The following NFIB variants were observed in gnomAD, a reference collection of about 807,000 sequenced individuals.
NFIB encodes nuclear factor 1 B-type.
In NFIB, 11 loss-of-function variants were observed where a neutral mutation model predicts 61.5. That is an observed-to-expected ratio of 0.18 (90% confidence interval 0.11 to 0.30). NFIB has a LOEUF of 0.30. Among genes scored for constraint, NFIB ranks in the 10% least tolerant of loss-of-function variants. The pLI is 1.00. For synonymous variants in NFIB, 260 were observed against 216.5 expected (o/e 1.20, Z -1.76); for missense variants, 471 against 608.9 (o/e 0.77, Z 2.38).
chr9:14,475,357 C>A, the NFIB span, among the ~76,000 whole-genome samples: 1 of 152,172 alleles, frequency 6.6e-6, no homozygotes, highest in East Asian at 1.9e-4. Flanking sequence ...AACCTTTCGA[C>A]CATTAGTGTG....
chr9:14,491,646 C>T, the NFIB span, among the ~76,000 whole-genome samples: 1 of 152,174 alleles, frequency 6.6e-6, no homozygotes, highest in Admixed American at 6.5e-5. Flanking sequence ...GTAAGATGAT[C>T]TAGAAGTTTC....
chr9:14,239,955 CA>C (rs1417193261), intron 2 of NFIB, among the ~76,000 whole-genome samples: 11 of 151,898 alleles, frequency 7.2e-5, no homozygotes, highest in African/African-American at 2.7e-4. Flanking sequence ...GAAATAAAAT[CA>C]TAAAAAGGAA....
chr9:14,134,226 G>A (rs934641375), intron 6 of NFIB, among the ~76,000 whole-genome samples: 3 of 152,172 alleles, frequency 2.0e-5, no homozygotes, highest in African/African-American at 7.2e-5. Context: ...TAACAATGGA[G>A]TTAAGCCACT....
chr9:14,214,031 G>A (rs766131386), intron 2 of NFIB, among the ~76,000 whole-genome samples: 79 of 152,180 alleles, frequency 5.2e-4, no homozygotes, highest in African/African-American at 1.4e-3. Flanking sequence ...ATCAGGTCTC[G>A]TTTCCAATAT....
intron 2 of NFIB, among the ~76,000 whole-genome samples, chr9:14,282,450 T>G (rs886812559): frequency 1.3e-5 from 2 of 152,164 alleles, no homozygotes; most frequent in African/African-American, 4.8e-5. Flanking sequence ...GATGTGAAAA[T>G]TAAAATAATG....
chr9:14,091,328 T>C (rs2033871708), intron 10 of NFIB, among the ~76,000 whole-genome samples: 1 of 151,924 alleles, frequency 6.6e-6, no homozygotes, highest in East Asian at 1.9e-4. Flanking sequence ...ATTAAAGTAA[T>C]ACAGATTATT....
intron 1 of NFIB, among the ~76,000 whole-genome samples, chr9:14,376,424 G>C (rs4741369): frequency 0.96 from 146,152 of 152,306 alleles, 70,169 homozygotes; most frequent in East Asian, 1. Context: ...GATGACCACT[G>C]TACCCTCAAA....
At chr9:14,363,647 A>G (rs1405082874) in intron 1 of NFIB, among the ~76,000 whole-genome samples, 2 of 122,962 alleles carry the variant, frequency 1.6e-5, no homozygotes, top group African/African-American at 3.8e-5. Context: ...ATATATATGT[A>G]TATGTACACA....
intron 1 of NFIB, among the ~76,000 whole-genome samples, chr9:14,378,215 T>A (rs2132991626): frequency 6.6e-6 from 1 of 152,342 alleles, no homozygotes; most frequent in East Asian, 1.9e-4. Context: ...AAACATTTCA[T>A]AAAGGAATGC....
chr9:14,305,380 T>C (rs1255250469), intron 2 of NFIB, among the ~76,000 whole-genome samples: 1 of 152,184 alleles, frequency 6.6e-6, no homozygotes. Flanking sequence ...ACAACACAGT[T>C]ACAACACATT....
upstream of NFIB, among the ~76,000 whole-genome samples, chr9:14,399,186 C>G (rs1239444427): frequency 6.6e-6 from 1 of 152,114 alleles, no homozygotes; most frequent in Non-Finnish European, 1.5e-5. Flanking sequence ...ATTAATTTTA[C>G]CTTTTCACTT....
chr9:14,425,461 A>G, the NFIB span, among the ~76,000 whole-genome samples: 1 of 152,298 alleles, frequency 6.6e-6, no homozygotes, highest in South Asian at 2.1e-4. Context: ...CTGCTTGCCC[A>G]GCTGTGCACT....
At chr9:14,192,663 C>A (rs2048073055) in intron 2 of NFIB, among the ~76,000 whole-genome samples, 1 of 152,150 alleles carries the variant, frequency 6.6e-6, no homozygotes. Context: ...GAGTTTTCCT[C>A]TTGTGATTCT....
the NFIB span, among the ~76,000 whole-genome samples, chr9:14,408,979 C>G: frequency 9.2e-5 from 14 of 152,166 alleles, no homozygotes; most frequent in Non-Finnish European, 1.5e-4. Context: ...TGGGTTTAAA[C>G]CCAGCCAGTC....
chr9:14,106,271 T>C (rs2036540232), intron 10 of NFIB, among the ~76,000 whole-genome samples: 2 of 152,170 alleles, frequency 1.3e-5, no homozygotes. Context: ...ATCATATGCA[T>C]ATCCTTACAA....
chr9:14,445,606 C>T, the NFIB span, among the ~76,000 whole-genome samples: 1 of 152,120 alleles, frequency 6.6e-6, no homozygotes, highest in Non-Finnish European at 1.5e-5. Context: ...TCAATGTGCA[C>T]ATTAATTTCC....
chr9:14,313,505 A>G lies in NFIB; in HGVS notation c.7T>C (p.Tyr3His). 2 of 1,614,048 alleles carry G rather than the reference A, an allele frequency of 1.2e-6. No individual in the cohort carries two copies. The highest frequency in any genetic ancestry group is 8.5e-7 in the Non-Finnish European group (1 of 1,179,942). The change falls in exon 1 of 11, where the codon TAT (tyrosine) becomes CAT (histidine). Residue 3 changes from tyrosine to histidine, a missense_variant. Coordinates refer to ENST00000380953, the MANE Select transcript of NFIB (RefSeq NM_001190737.2). This position sits in a 1 kb window ranked among gnomAD's most constrained non-coding sequence, Gnocchi z 4.5. MM[Y>H]SPICLTQDEF... The stretch of plus-strand genomic sequence containing the variant: ...ACCTGAGTGAGACAGATGGGAGAAT[A>G]CATCATGACTTCGCCTTAAAACGCA...
the NFIB span, among the ~76,000 whole-genome samples, chr9:14,485,515 A>G: frequency 1.3e-5 from 2 of 152,342 alleles, no homozygotes; most frequent in South Asian, 4.1e-4. Context: ...TACTTATTCA[A>G]TAAACATTAT....
intron 3 of NFIB, among the ~76,000 whole-genome samples, chr9:14,171,368 T>G (rs1199438241): frequency 6.6e-6 from 1 of 152,192 alleles, no homozygotes; most frequent in Non-Finnish European, 1.5e-5. Context: ...TTATATTCCC[T>G]GGGAAGGGGT....
Sources: gnomAD v4.1 joint callset for allele counts (sites outside exome capture counted in the v4.1 genomes callset) on GRCh38, gnomAD v4.1.1 for gene constraint, Gnocchi (gnomAD v3.1) non-coding constraint, MANE v1.5 for transcripts, NCBI Gene and HGNC (gene_info 2026-07-23, HGNC 2026-07-21) for gene names.